Variants in RHOH observed in about 807,000 individuals in gnomAD.
RHOH encodes the protein ras homolog family member H.
In RHOH, 6 loss-of-function variants were observed where a neutral mutation model predicts 13.8. The observed-to-expected ratio is 0.44, with a 90% CI of 0.24 to 0.86. The LOEUF (loss-of-function observed/expected upper bound fraction) is 0.86. Ranked by LOEUF, RHOH falls within the 40% of genes least tolerant of loss-of-function variation. RHOH has a pLI of 0.24. For missense variants in RHOH, 147 were observed against 244.5 expected (o/e 0.60, Z 2.66); for synonymous variants, 117 against 103.0 (o/e 1.14, Z -0.82).
rs568608571 is a variant in RHOH at position 40,246,859 on chromosome 4, T to A, written c.*2897T>A. On this transcript the variant is annotated 3_prime_UTR_variant, in exon 3 of 3. Transcript: ENST00000381799. ...CCTAGATGCAGACACAGGTTTCTTA[T>A]ACTTCAAAATTTGTGGTACCTTTTT... 6.6e-6 allele frequency: 1 copy of A among 152,372 alleles called. No homozygotes were observed. The highest frequency in any genetic ancestry group is 2.1e-4 in the South Asian group (1 of 4,830). 9.4% of individuals were successfully genotyped at this position (152,372 alleles called of 1,614,324 possible). A position where few individuals can be genotyped will look rare whatever the true frequency, so the allele number is the denominator to read the frequency against.
intron 1 of RHOH, among the ~76,000 whole-genome samples, chr4:40,210,115 T>TGTGTGTGTG (rs1431632131): frequency 6.6e-6 from 1 of 151,940 alleles, no homozygotes; most frequent in African/African-American, 2.4e-5. Flanking sequence ...TGTGTGTGTG[T>TGTGTGTGTG]GTGTGTGTTT....
chr4:40,205,043 A>G (rs1724483117), intron 1 of RHOH, among the ~76,000 whole-genome samples: 1 of 152,140 alleles, frequency 6.6e-6, no homozygotes, highest in Admixed American at 6.5e-5. Flanking sequence ...CAGGCAGATC[A>G]TCTGAGGTCA....
intron 1 of RHOH, among the ~76,000 whole-genome samples, chr4:40,224,756 C>A (rs1420322115): frequency 1.3e-5 from 2 of 152,188 alleles, no homozygotes; most frequent in African/African-American, 4.8e-5. Context: ...TTGTAGAAAC[C>A]CCGGAACAGA....
intron 1 of RHOH, among the ~76,000 whole-genome samples, chr4:40,204,556 C>T (rs1413824324): frequency 3.3e-5 from 5 of 152,188 alleles, no homozygotes; most frequent in African/African-American, 9.7e-5. Flanking sequence ...ATTTGCTGCA[C>T]AGTCCTAGGG....
At chr4:40,223,767 GTTTTTTTT>G in intron 1 of RHOH, among the ~76,000 whole-genome samples, 1 of 83,924 alleles carries the variant, frequency 1.2e-5, no homozygotes, top group African/African-American at 5.0e-5. Flanking sequence ...AACATAACTT[GTTTTTTTT>G]TTTTTTTTTT....
rs1273872951 is a variant in RHOH, at chr4:40,246,848, C to T, written c.*2886C>T. The T allele has an allele frequency of 6.6e-6, 1 of 152,190 alleles. No homozygotes were observed. Among genetic ancestry groups the T allele is most frequent in the Non-Finnish European group, 1.5e-5 (1 of 68,040 alleles). 9.4% of individuals were successfully genotyped at this position (152,190 alleles called of 1,614,324 possible). ...ACTTTTGCCTGCCTAGATGCAGACA[C>T]AGGTTTCTTATACTTCAAAATTTGT... On this transcript the variant is annotated 3_prime_UTR_variant, in exon 3 of 3. Transcript: ENST00000381799.
chr4:40,205,376 A>G (rs918571618), intron 1 of RHOH, among the ~76,000 whole-genome samples: 19 of 152,362 alleles, frequency 1.2e-4, no homozygotes, highest in African/African-American at 4.3e-4. Flanking sequence ...TACCCAGCCC[A>G]GCTGCTTTTA....
intron 1 of RHOH, among the ~76,000 whole-genome samples, chr4:40,221,492 C>T (rs73146088): frequency 0.031 from 4,685 of 152,222 alleles, 258 homozygotes; most frequent in African/African-American, 0.11. Context: ...ATAATTCAAA[C>T]GTTTTCATTA....
At chr4:40,198,637 A>AT (rs1723545764) in intron 1 of RHOH, among the ~76,000 whole-genome samples, 1 of 152,154 alleles carries the variant, frequency 6.6e-6, no homozygotes, top group African/African-American at 2.4e-5. Flanking sequence ...TTAGGACATC[A>AT]TTTATGCAGA....
At chr4:40,242,168 C>T (rs1035228386) in intron 1 of RHOH, among the ~76,000 whole-genome samples, 2 of 152,262 alleles carry the variant, frequency 1.3e-5, no homozygotes, top group African/African-American at 2.4e-5. Flanking sequence ...CAAGGCGGAG[C>T]TCATTGCCTG....
At chr4:40,210,089 CGTGTGTGTGTGTGT>C (rs5857717) in intron 1 of RHOH, among the ~76,000 whole-genome samples, 16 of 145,458 alleles carry the variant, frequency 1.1e-4, no homozygotes, top group Non-Finnish European at 1.7e-4. Context: ...ACATTGTGTG[CGTGTGTGTGTGTGT>C]GTGTGTGTGT....
Position 40,244,060 on chromosome 4 carries a change from G to A in RHOH, c.*98G>A. On this transcript the variant is annotated 3_prime_UTR_variant, in exon 3 of 3. Transcript: ENST00000381799. ...CAGGAAAGCTTGGTGTTTTCTCTGG[G>A]TACACCCCAAGCAGCGTCTCCTTTT... The A allele has an allele frequency of 2.1e-6, 2 of 974,918 alleles. No individual in the cohort carries two copies. The highest frequency in any genetic ancestry group is 3.0e-6 in the Non-Finnish European group (2 of 661,760). 60.4% of individuals were successfully genotyped at this position (974,918 alleles called of 1,614,324 possible).
At chr4:40,208,286 C>T (rs1465435756) in intron 1 of RHOH, among the ~76,000 whole-genome samples, 1 of 152,132 alleles carries the variant, frequency 6.6e-6, no homozygotes, top group Admixed American at 6.5e-5. Context: ...TTATTTTATC[C>T]ATTAATTATA....
chr4:40,229,005 A>T (rs1398184930), intron 1 of RHOH, among the ~76,000 whole-genome samples: 2 of 152,212 alleles, frequency 1.3e-5, no homozygotes, highest in African/African-American at 4.8e-5. Flanking sequence ...GGGTCATCTC[A>T]GGGGCCTCCT....
intron 1 of RHOH, among the ~76,000 whole-genome samples, chr4:40,203,436 G>A (rs961925511): frequency 6.6e-6 from 1 of 152,154 alleles, no homozygotes; most frequent in East Asian, 1.9e-4. Context: ...AGACTCTGAT[G>A]TGAATTGCCT....
intron 1 of RHOH, among the ~76,000 whole-genome samples, chr4:40,241,617 C>T (rs34589237): frequency 0.12 from 18,390 of 152,086 alleles, 1,292 homozygotes; most frequent in Admixed American, 0.19. Flanking sequence ...CAGCCGGACG[C>T]GGTGGCTCAC....
intron 1 of RHOH, among the ~76,000 whole-genome samples, chr4:40,213,655 T>C (rs1338916971): frequency 1.3e-5 from 2 of 152,146 alleles, no homozygotes; most frequent in Non-Finnish European, 2.9e-5. Flanking sequence ...AGATGGTACC[T>C]GGGTAGCGAT....
chr4:40,238,500 T>A (rs886256679), intron 1 of RHOH, among the ~76,000 whole-genome samples: 2 of 152,226 alleles, frequency 1.3e-5, no homozygotes, highest in African/African-American at 2.4e-5. Context: ...TCTTGGTCTC[T>A]TTGCCAGAGT....
At chr4:40,207,079 C>T (rs1724733059) in intron 1 of RHOH, among the ~76,000 whole-genome samples, 1 of 151,934 alleles carries the variant, frequency 6.6e-6, no homozygotes, top group Non-Finnish European at 1.5e-5. Flanking sequence ...TGGTGGCAGG[C>T]ACCTTTAATC....
Sources: allele counts gnomAD v4.1 joint callset (sites outside exome capture counted in the v4.1 genomes callset), GRCh38; gene constraint gnomAD v4.1.1; transcripts MANE v1.5; gene names NCBI Gene and HGNC (gene_info 2026-07-23, HGNC 2026-07-21).